EBF1: variants seen among roughly 807,000 people sequenced by gnomAD.
The protein encoded by EBF1 is EBF transcription factor 1, also known as transcription factor COE1.
Under a neutral mutation model 68.4 loss-of-function variants are expected in EBF1, and 10 were observed. The observed-to-expected ratio is 0.15, with a 90% CI of 0.09 to 0.25. The LOEUF (loss-of-function observed/expected upper bound fraction) is 0.25. Among genes scored for constraint, EBF1 ranks in the 10% least tolerant of loss-of-function variants. The pLI, the probability that EBF1 is intolerant of heterozygous loss-of-function variation, is 1.00. For synonymous variants in EBF1, 298 were observed against 299.8 expected (o/e 0.99, Z 0.06); for missense variants, 509 against 794.4 (o/e 0.64, Z 4.32).
At chr5:158,740,509 C>T (rs141886868) in intron 10 of EBF1, among the ~76,000 whole-genome samples, 2 of 152,312 alleles carry the variant, frequency 1.3e-5, no homozygotes, top group African/African-American at 4.8e-5. Flanking sequence ...AAAAAAGTGA[C>T]TCCAAATCAT....
chr5:159,039,609 G>A (rs1392007111), intron 6 of EBF1, among the ~76,000 whole-genome samples: 5 of 152,174 alleles, frequency 3.3e-5, no homozygotes, highest in Non-Finnish European at 7.3e-5. Flanking sequence ...AAGTAACTTC[G>A]CTATTAAATA....
At position 158,730,989 on chromosome 5, in the gene EBF1, T is replaced by C. The variant is rs1763978051; in HGVS notation, c.1125+80A>G. 5 of 1,336,270 alleles carry C rather than the reference T, an allele frequency of 3.7e-6. No individual in the cohort carries two copies. In the South Asian group the frequency reaches 5.1e-5, roughly 14 times the overall value. The allele number at this position is 1,336,270 out of a possible 1,614,324, so 82.8% of individuals were successfully genotyped here. ...AAATATGAGTTGTTTACCTGTGAAC[T>C]AATTTTTATCAGCAGCAGAGTTTTC... On this transcript the variant is annotated intron_variant, in intron 11 of 15. Transcript: ENST00000313708.
At position 158,918,476 on chromosome 5, in the gene EBF1, G is replaced by A. The variant is rs185485273; in HGVS notation, c.555-78366C>T. On this transcript the variant is annotated intron_variant, in intron 6 of 15. Coordinates refer to ENST00000313708, the MANE Select transcript of EBF1 (RefSeq NM_024007.5). ...GAGCTAAGGCTTGAGAACTGATACT[G>A]GGGAAGAATGGATTACCATTAGTGT... Among the ~76,000 whole-genome samples, 30 of 151,810 alleles carry A rather than the reference G, an allele frequency of 2.0e-4. No homozygotes were observed. In the East Asian group the frequency reaches 5.1e-3, roughly 26 times the overall value.
intron 7 of EBF1, among the ~76,000 whole-genome samples, chr5:158,827,495 G>A (rs981165147): frequency 1.3e-5 from 2 of 152,094 alleles, no homozygotes; most frequent in African/African-American, 4.8e-5. Flanking sequence ...GTCTGTAAAT[G>A]AGATGTCTCA....
intron 6 of EBF1, among the ~76,000 whole-genome samples, chr5:159,061,011 G>C (rs961294483): frequency 1.3e-5 from 2 of 150,786 alleles, no homozygotes; most frequent in South Asian, 2.1e-4. Context: ...TGGTAAACTA[G>C]GTCTATGATT....
intron 11 of EBF1, among the ~76,000 whole-genome samples, chr5:158,725,857 A>G (rs1188741337): frequency 1.3e-5 from 2 of 152,186 alleles, no homozygotes; most frequent in Non-Finnish European, 2.9e-5. Flanking sequence ...TCCGTTCCTT[A>G]ATATGTCGGC....
intron 6 of EBF1, among the ~76,000 whole-genome samples, chr5:158,900,273 C>T (rs1803016442): frequency 6.6e-6 from 1 of 152,194 alleles, no homozygotes; most frequent in Non-Finnish European, 1.5e-5. Context: ...GGCCATCTCC[C>T]TGGAGACCTG....
chr5:158,836,048 C>T (rs1252631351), intron 7 of EBF1, among the ~76,000 whole-genome samples: 1 of 152,054 alleles, frequency 6.6e-6, no homozygotes, highest in Non-Finnish European at 1.5e-5. Flanking sequence ...AGTTATCTTC[C>T]CAGCATTTAA....
intron 6 of EBF1, among the ~76,000 whole-genome samples, chr5:158,859,894 T>C (rs1024157676): frequency 2.0e-5 from 3 of 152,374 alleles, no homozygotes; most frequent in Non-Finnish European, 4.4e-5. Flanking sequence ...ATTTCATATC[T>C]GGCCAACCAG....
At chr5:158,819,596 T>G (rs527878319) in intron 8 of EBF1, among the ~76,000 whole-genome samples, 3 of 152,162 alleles carry the variant, frequency 2.0e-5, no homozygotes, top group Admixed American at 6.5e-5. Context: ...CTTGCCCAAA[T>G]GACTGGAAGA....
intron 8 of EBF1, among the ~76,000 whole-genome samples, chr5:158,811,812 G>T (rs1782725269): frequency 6.6e-6 from 1 of 152,082 alleles, no homozygotes; most frequent in Non-Finnish European, 1.5e-5. Context: ...CTCAAAAATG[G>T]ATCTCAGACC....
At chr5:158,740,023 T>C (rs546016984) in intron 10 of EBF1, among the ~76,000 whole-genome samples, 12 of 152,344 alleles carry the variant, frequency 7.9e-5, no homozygotes, top group Middle Eastern at 3.4e-3. Context: ...GGCTTGTAGC[T>C]TTTATCTGAC....
chr5:158,768,097 T>C (rs1773130952), intron 10 of EBF1, among the ~76,000 whole-genome samples: 1 of 152,012 alleles, frequency 6.6e-6, no homozygotes, highest in Non-Finnish European at 1.5e-5. Context: ...GGACACTGGG[T>C]CCTTGGAGCA....
intron 8 of EBF1, among the ~76,000 whole-genome samples, chr5:158,812,652 CTCTT>C (rs1429778836): frequency 6.6e-5 from 10 of 152,166 alleles, no homozygotes; most frequent in African/African-American, 1.4e-4. Context: ...ACAGTTGCTG[CTCTT>C]TCTGTCATCT....
intron 6 of EBF1, among the ~76,000 whole-genome samples, chr5:159,020,095 G>C (rs17644173): frequency 0.058 from 8,848 of 152,008 alleles, 296 homozygotes; most frequent in Non-Finnish European, 0.074. Flanking sequence ...AAGGACCCCT[G>C]TTGCCTCCTA....
At chr5:159,050,808 G>T (rs981342466) in intron 6 of EBF1, among the ~76,000 whole-genome samples, 1 of 152,182 alleles carries the variant, frequency 6.6e-6, no homozygotes, top group Non-Finnish European at 1.5e-5. Context: ...AATTGCTCCC[G>T]GAGGGAGTAG....
At chr5:159,076,106 G>T (rs1227148010) in intron 5 of EBF1, among the ~76,000 whole-genome samples, 3 of 150,318 alleles carry the variant, frequency 2.0e-5, no homozygotes, top group African/African-American at 7.4e-5. Flanking sequence ...TGTATTTTTT[G>T]TTACTGTCTT....
chr5:158,946,584 A>T (rs1326295470), intron 6 of EBF1, among the ~76,000 whole-genome samples: 1 of 152,060 alleles, frequency 6.6e-6, no homozygotes, highest in Non-Finnish European at 1.5e-5. Flanking sequence ...GCACCCACCA[A>T]ATGCCAGCCA....
intron 6 of EBF1, among the ~76,000 whole-genome samples, chr5:158,905,165 A>G (rs1804305047): frequency 6.6e-6 from 1 of 152,228 alleles, no homozygotes; most frequent in Admixed American, 6.5e-5. Context: ...TAAGAGTGAT[A>G]GCTTTAACTT....
Sources: gnomAD v4.1 joint callset for allele counts (sites outside exome capture counted in the v4.1 genomes callset) on GRCh38, gnomAD v4.1.1 for gene constraint, MANE v1.5 for transcripts, NCBI Gene and HGNC (gene_info 2026-07-23, HGNC 2026-07-21) for gene names.